Variants in THADA observed in about 807,000 individuals in gnomAD.
The protein encoded by THADA is THADA armadillo repeat containing.
Under a neutral mutation model 219.8 loss-of-function variants are expected in THADA, and 213 were observed. That is an observed-to-expected ratio of 0.97 (90% confidence interval 0.87 to 1.09). The LOEUF (loss-of-function observed/expected upper bound fraction) is 1.09. THADA is among the 50% of genes least tolerant of loss of function. The pLI, the probability that THADA is intolerant of heterozygous loss-of-function variation, is 0.00. For synonymous variants in THADA, 1,018 were observed against 828.9 expected, an observed-to-expected ratio of 1.23 and a Z score of -3.92; for missense variants, 2,956 against 2,311.3, an observed-to-expected ratio of 1.28 and a Z score of -5.72.
intron 24 of THADA, among the ~76,000 whole-genome samples, chr2:43,503,760 G>C (rs1689314856): frequency 1.3e-5 from 2 of 152,144 alleles, no homozygotes; most frequent in Non-Finnish European, 2.9e-5. Flanking sequence ...AGACTGGTCA[G>C]AGACAAAATT....
intron 31 of THADA, among the ~76,000 whole-genome samples, chr2:43,296,956 G>A (rs548715967): frequency 7.0e-6 from 1 of 142,424 alleles, no homozygotes; most frequent in Admixed American, 6.9e-5. Flanking sequence ...CTGCCCGGCC[G>A]CCACCCCGTC....
At chr2:43,333,262 G>A (rs1666003416) in intron 30 of THADA, 1 of 152,132 alleles carries the variant, frequency 6.6e-6, no homozygotes, top group African/African-American at 2.4e-5. Flanking sequence ...TTCCTGAGAC[G>A]TCTGAAAGGG....
intron 21 of THADA, among the ~76,000 whole-genome samples, chr2:43,537,100 C>T (rs545929676): frequency 6.6e-6 from 1 of 152,318 alleles, no homozygotes; most frequent in Non-Finnish European, 1.5e-5. Flanking sequence ...ACTGTACCTT[C>T]TCTCCTACAG....
chr2:43,248,989 G>A (rs1414343175), intron 36 of THADA, among the ~76,000 whole-genome samples: 5 of 152,070 alleles, frequency 3.3e-5, no homozygotes. Flanking sequence ...TGACAATTGT[G>A]CCCCTTTTTA....
At position 43,285,595 on chromosome 2, in the gene THADA, T is replaced by C. The variant is rs1223557097; in HGVS notation, c.5164+1313A>G. 3.9e-5 allele frequency among the ~76,000 whole-genome samples: 6 copies of C among 152,070 alleles called. No individual in the cohort carries two copies. In the South Asian group the frequency reaches 6.3e-4, roughly 16 times the overall value. On this transcript the variant is annotated intron_variant, in intron 35 of 37. Coordinates refer to ENST00000405975, the MANE Select transcript of THADA (RefSeq NM_022065.5). The stretch of plus-strand genomic sequence containing the variant: ...TTTTTTTTTTTTTGAGATGGAGTTT[T>C]GCTCCTTGCCCAGACTGGAGTGCAA...
At chr2:43,286,880 C>T (rs376165267) in intron 35 of THADA, 28 bp downstream of exon 35, 6 of 1,596,732 alleles carry the variant, frequency 3.8e-6, no homozygotes, top group East Asian at 2.3e-5. Flanking sequence ...GAGTTTGGTA[C>T]AACAGACTTC....
chr2:43,446,828 A>G (rs1416648018), intron 26 of THADA, among the ~76,000 whole-genome samples: 1 of 152,202 alleles, frequency 6.6e-6, no homozygotes, highest in African/African-American at 2.4e-5. Context: ...TGATTCTCTC[A>G]TAGTTCTAGA....
intron 36 of THADA, among the ~76,000 whole-genome samples, chr2:43,268,124 A>G (rs1268458128): frequency 6.6e-6 from 1 of 152,248 alleles, no homozygotes; most frequent in African/African-American, 2.4e-5. Flanking sequence ...CCTGTAGATC[A>G]GCCTCACAAG....
intron 26 of THADA, among the ~76,000 whole-genome samples, chr2:43,466,236 G>A (rs1028244415): frequency 8.5e-5 from 13 of 152,180 alleles, no homozygotes; most frequent in Middle Eastern, 3.2e-3. Flanking sequence ...TGCTACGACT[G>A]GAGAATCATA....
At chr2:43,527,222 G>A (rs1693273851) in intron 22 of THADA, among the ~76,000 whole-genome samples, 1 of 152,084 alleles carries the variant, frequency 6.6e-6, no homozygotes, top group South Asian at 2.1e-4. Flanking sequence ...ATGTTTTCCT[G>A]GAAAATACTA....
chr2:43,566,602 G>T, intron 15 of THADA, 96 bp downstream of exon 15: 1 of 1,307,796 alleles, frequency 7.6e-7, no homozygotes, highest in Non-Finnish European at 1.1e-6. Context: ...TCAAAGAAAG[G>T]CAACAAAACT....
intron 19 of THADA, among the ~76,000 whole-genome samples, chr2:43,550,169 G>A (rs191456569): frequency 6.6e-6 from 1 of 152,320 alleles, no homozygotes; most frequent in East Asian, 1.9e-4. Flanking sequence ...AGGAATGAAT[G>A]GATGTAGGTA....
At position 43,593,952 on chromosome 2, in the gene THADA, A is replaced by G. The variant is rs576838656; in HGVS notation, c.-24-1536T>C. 3.3e-5 allele frequency among the ~76,000 whole-genome samples: 5 copies of G among 152,242 alleles called. No homozygotes were observed. In the East Asian group the frequency reaches 9.6e-4, roughly 29 times the overall value. On this transcript the variant is annotated intron_variant, in intron 1 of 37. Coordinates refer to ENST00000405975, the MANE Select transcript of THADA (RefSeq NM_022065.5). ...CCAGCCTTAGACTTCTTGTCTTGCT[A>G]TTAGATTAGTAAAAGTCAGTACAAG...
chr2:43,371,072 C>G (rs1238823244), intron 29 of THADA, among the ~76,000 whole-genome samples: 3 of 152,136 alleles, frequency 2.0e-5, no homozygotes, highest in Non-Finnish European at 4.4e-5. Flanking sequence ...ACAACATTTT[C>G]TTTTTCAGCC....
intron 16 of THADA, among the ~76,000 whole-genome samples, chr2:43,558,337 C>T (rs765674543): frequency 3.5e-4 from 53 of 152,146 alleles, no homozygotes; most frequent in Non-Finnish European, 5.1e-4. Context: ...ATATAAGGGA[C>T]ACCCAAAGAA....
At chr2:43,448,033 T>C (rs1681804266) in intron 26 of THADA, among the ~76,000 whole-genome samples, 1 of 152,218 alleles carries the variant, frequency 6.6e-6, no homozygotes, top group Non-Finnish European at 1.5e-5. Context: ...CAATTGTTTT[T>C]CCAAATCTTT....
intron 28 of THADA, among the ~76,000 whole-genome samples, chr2:43,398,739 C>T (rs1674409719): frequency 1.3e-5 from 2 of 152,150 alleles, no homozygotes; most frequent in Non-Finnish European, 2.9e-5. Flanking sequence ...TACTCAAGGT[C>T]TAGGTAGATG....
At chr2:43,456,324 T>A (rs151105497) in intron 26 of THADA, among the ~76,000 whole-genome samples, 218 of 152,278 alleles carry the variant, frequency 1.4e-3, no homozygotes, top group African/African-American at 4.8e-3. Context: ...AATTAAAAAA[T>A]AATAATATGC....
chr2:43,311,747 C>T (rs1247749917), intron 31 of THADA, among the ~76,000 whole-genome samples: 1 of 152,254 alleles, frequency 6.6e-6, no homozygotes, highest in South Asian at 2.1e-4. Flanking sequence ...AGAATCCACA[C>T]ATGAAAGGCC....
Sources: gnomAD v4.1 joint callset for allele counts (sites outside exome capture counted in the v4.1 genomes callset) on GRCh38, gnomAD v4.1.1 for gene constraint, MANE v1.5 for transcripts, NCBI Gene and HGNC (gene_info 2026-07-23, HGNC 2026-07-21) for gene names.